The following VSX2 variants were observed in gnomAD, a reference collection of about 807,000 sequenced individuals.
VSX2 encodes the protein visual system homeobox 2, also known as ceh-10 homeo domain containing homolog.
In VSX2, 28 loss-of-function variants were observed where a neutral mutation model predicts 32.1. That is an observed-to-expected ratio of 0.87 (90% CI 0.65 to 1.20). VSX2 has a LOEUF of 1.20. Among genes scored for constraint, VSX2 ranks in the 50% most tolerant of loss-of-function variants. The probability of loss-of-function intolerance (pLI) is 0.00; values close to 1 mark genes in which losing one functional copy is unlikely to be tolerated. For missense variants in VSX2, 506 were observed against 488.7 expected, an observed-to-expected ratio of 1.04 and a Z score of -0.33; for synonymous variants, 243 against 214.1, an observed-to-expected ratio of 1.14 and a Z score of -1.18.
At chr14:74,241,710 C>T (rs2079151526) in intron 2 of VSX2, among the ~76,000 whole-genome samples, 1 of 152,230 alleles carries the variant, frequency 6.6e-6, no homozygotes, top group Non-Finnish European at 1.5e-5. Flanking sequence ...TCCTCTCTGC[C>T]AACTCCCTAA....
At chr14:74,256,917 A>G (rs35195321) in intron 3 of VSX2, among the ~76,000 whole-genome samples, 29,470 of 151,414 alleles carry the variant, frequency 0.19, 3,329 homozygotes, top group South Asian at 0.32. Context: ...CAGGTGATCC[A>G]CCCGCCTCGG....
chr14:74,247,085 A>G (rs1297824660), intron 3 of VSX2, among the ~76,000 whole-genome samples: 3 of 152,034 alleles, frequency 2.0e-5, no homozygotes, highest in Non-Finnish European at 4.4e-5. Context: ...ATTTGTGGAT[A>G]TCGGAGAAAT....
rs548416912 is a variant in VSX2 at position 74,245,695 on chromosome 14, G to A, written c.579+407G>A. Reference sequence around the variant, plus strand: ...GCCTCTGGGTAGCTGTGAAGAGGAAGGTGGCTTCTAGTCCTGACCCCAGTC... The same window carrying A: ...GCCTCTGGGTAGCTGTGAAGAGGAAAGTGGCTTCTAGTCCTGACCCCAGTC... On this transcript the variant is annotated intron_variant, in intron 3 of 4. Transcript: ENST00000261980. Among the ~76,000 whole-genome samples the A allele has an allele frequency of 1.1e-3, 164 of 152,022 alleles. 1 individual carries two copies. The highest frequency in any genetic ancestry group is 1.8e-3 in the Non-Finnish European group (122 of 67,956).
chr14:74,245,467 G>A (rs559357309), intron 3 of VSX2, among the ~76,000 whole-genome samples, 179 bp downstream of exon 3: 2 of 152,162 alleles, frequency 1.3e-5, no homozygotes, highest in African/African-American at 4.8e-5. Flanking sequence ...GGTGCTGTCG[G>A]GGGATGAGAA....
chr14:74,240,158 C>G (rs890562301), intron 1 of VSX2, among the ~76,000 whole-genome samples: 1 of 152,204 alleles, frequency 6.6e-6, no homozygotes, highest in Non-Finnish European at 1.5e-5. Flanking sequence ...GCGCAGTTCT[C>G]CAGTCCCCGC....
At position 74,239,762 on chromosome 14, in the gene VSX2, G is replaced by T. The variant is rs893692764; in HGVS notation, c.201G>T (p.Val67=). 6.4e-7 allele frequency: 1 copy of T among 1,553,536 alleles called. No homozygotes were observed. The highest frequency in any genetic ancestry group is 1.9e-5 in the Admixed American group (1 of 51,376). The part of the protein sequence containing the change: ...APGHLLAARS[V]LSPAGVGGMG... ...GGCACTTGCTGGCGGCGCGCTCAGT[G>T]CTCAGCCCCGCGGGGGTGGGCGGCA... Residue 67 remains valine, a synonymous_variant, in exon 1 of 5, where the codon GTG becomes GTT. Coordinates refer to ENST00000261980, the MANE Select transcript of VSX2 (RefSeq NM_182894.3).
intron 3 of VSX2, among the ~76,000 whole-genome samples, chr14:74,248,355 A>AAAC: frequency 6.9e-6 from 1 of 143,966 alleles, no homozygotes; most frequent in South Asian, 2.2e-4. Context: ...AAAAAAACAA[A>AAAC]AAAAACCAAA....
chr14:74,239,988 G>T, intron 1 of VSX2, 57 bp downstream of exon 1: 3 of 1,535,516 alleles, frequency 2.0e-6, no homozygotes, highest in Non-Finnish European at 2.6e-6. Context: ...CGGGAGCCCC[G>T]CGCCGTCGGC....
intron 3 of VSX2, among the ~76,000 whole-genome samples, chr14:74,254,252 A>T (rs1211764207): frequency 6.6e-6 from 1 of 152,130 alleles, no homozygotes; most frequent in African/African-American, 2.4e-5. Context: ...TCTACTAAAA[A>T]TACAAAAAAT....
chr14:74,249,241 T>G (rs1439346559), intron 3 of VSX2, among the ~76,000 whole-genome samples: 1 of 152,196 alleles, frequency 6.6e-6, no homozygotes, highest in Non-Finnish European at 1.5e-5. Context: ...TCCCAGATAT[T>G]AAGTGCTTTC....
At chr14:74,248,348 A>AC (rs1414347293) in intron 3 of VSX2, among the ~76,000 whole-genome samples, 2 of 138,966 alleles carry the variant, frequency 1.4e-5, no homozygotes, top group South Asian at 2.3e-4. Context: ...AAAAAAAAAA[A>AC]AAACAAAAAA....
intron 3 of VSX2, among the ~76,000 whole-genome samples, chr14:74,258,639 G>C (rs2079283420): frequency 1.3e-5 from 2 of 152,152 alleles, no homozygotes; most frequent in South Asian, 4.1e-4. Context: ...AATGCGAGGG[G>C]CTCCCGGCTC....
intron 3 of VSX2, among the ~76,000 whole-genome samples, chr14:74,254,359 C>T (rs547335981): frequency 2.0e-5 from 3 of 151,744 alleles, no homozygotes; most frequent in East Asian, 2.0e-4. Flanking sequence ...CGCAGTGAGC[C>T]AAGATCACGC....
intron 2 of VSX2, among the ~76,000 whole-genome samples, 157 bp from the exon 3 acceptor site, chr14:74,245,002 GAGAGAC>G (rs1442579498): frequency 3.0e-4 from 34 of 111,856 alleles, no homozygotes; most frequent in Admixed American, 4.7e-4. Flanking sequence ...GAGAGAGAGA[GAGAGAC>G]AGAGAGAGAG....
Position 74,261,261 on chromosome 14 carries a change from C to T in VSX2, c.*342C>T, listed in dbSNP as rs2079306205. On this transcript the variant is annotated 3_prime_UTR_variant, in exon 5 of 5. Transcript: ENST00000261980. ...TGTTCTCTTGCTTTAAAGAGTCCTC[C>T]TTCCCAGCTCTACATTCTGCTCTGC... 6.0e-6 allele frequency: 2 copies of T among 333,666 alleles called. No homozygotes were observed. Among genetic ancestry groups the T allele is most frequent in the Non-Finnish European group, 1.1e-5 (2 of 178,198 alleles). The allele number at this position is 333,666 out of a possible 1,614,324, so 20.7% of individuals were successfully genotyped here. A position where few individuals can be genotyped will look rare whatever the true frequency, so the allele number is the denominator to read the frequency against.
chr14:74,254,489 T>C (rs1312829133), intron 3 of VSX2, among the ~76,000 whole-genome samples: 1 of 152,200 alleles, frequency 6.6e-6, no homozygotes, highest in Non-Finnish European at 1.5e-5. Flanking sequence ...GCTCTCCAAA[T>C]GCCTAAGGGG....
At chr14:74,259,531 C>T (rs1266095316) in intron 3 of VSX2, 71 bp from the exon 4 acceptor site, 13 of 1,595,976 alleles carry the variant, frequency 8.1e-6, no homozygotes, top group Non-Finnish European at 1.0e-5. Flanking sequence ...CACTCCAAGC[C>T]TACAAGGGGT....
At position 74,239,792 on chromosome 14, in the gene VSX2, G is replaced by T. The variant is rs753262258; in HGVS notation, c.231G>T (p.Gly77=). The change falls in exon 1 of 5, where the codon GGG becomes GGT. Residue 77 remains glycine (G), a synonymous_variant. Transcript: ENST00000261980. ...GCCCCGCGGGGGTGGGCGGCATGGG[G>T]CTTCTGGGGCCCGGGGGGCTCCCTG... ...VLSPAGVGGM[G]LLGPGGLPGF... The T allele has an allele frequency of 3.8e-6, 6 of 1,565,272 alleles. No homozygotes were observed. Among genetic ancestry groups the T allele is most frequent in the Non-Finnish European group, 3.5e-6 (4 of 1,156,172 alleles).
At position 74,244,945 on chromosome 14, in the gene VSX2, AGTGTGT is replaced by A. The variant is rs59905689; in HGVS notation, c.456-188_456-183del. On this transcript the variant is annotated intron_variant, in intron 2 of 4. Transcript: ENST00000261980. ...GTGTGTGTGTGAAAGAGAGAGAGAAAGTGTGTGTGTGTGTGTGTGTGTGTGTGTGTG... is the reference window on the plus strand; with the variant it reads ...GTGTGTGTGTGAAAGAGAGAGAGAAAGTGTGTGTGTGTGTGTGTGTGTGTG... 0.069 allele frequency among the ~76,000 whole-genome samples: 4,102 copies of A among 59,536 alleles called. 205 individuals are homozygous for A. The highest frequency in any genetic ancestry group is 0.11 in the Non-Finnish European group (3,302 of 30,252). The allele number at this position is 59,536 out of a possible 152,430, so 39.1% of individuals were successfully genotyped here. A position where few individuals can be genotyped will look rare whatever the true frequency, so the allele number is the denominator to read the frequency against.
Sources: gnomAD v4.1 joint callset for allele counts (sites outside exome capture counted in the v4.1 genomes callset) on GRCh38, gnomAD v4.1.1 for gene constraint, MANE v1.5 for transcripts, NCBI Gene and HGNC (gene_info 2026-07-23, HGNC 2026-07-21) for gene names.